L1CAM: variants seen among roughly 807,000 people sequenced by gnomAD.
L1CAM encodes the protein L1 cell adhesion molecule.
L1CAM carries 8 observed loss-of-function variants against 93.0 expected under a neutral mutation model. The ratio of observed to expected loss-of-function variants is 0.09; its 90% CI spans 0.05 to 0.16. The LOEUF is 0.16. Ranked by LOEUF, L1CAM falls within the 10% of genes least tolerant of loss-of-function variation. The probability of loss-of-function intolerance (pLI) is 1.00; values close to 1 mark genes in which losing one functional copy is unlikely to be tolerated. For synonymous variants in L1CAM, 453 were observed against 453.0 expected (o/e 1.00, Z 0.00); for missense variants, 777 against 1,073.4 (o/e 0.72, Z 3.86).
rs1557089006 is a variant in L1CAM, at chrX:153,862,122, T to C, written c.*541A>G. On this transcript the variant is annotated 3_prime_UTR_variant, in exon 29 of 29. Transcript: ENST00000370060. ...TGCGATGCTGGGAGTGGGGGGACTC[T>C]GGGCTCTCCAGATGGCCTCCCCTGC... The C allele has an allele frequency of 8.7e-6, 1 of 115,170 alleles. No individual in the cohort carries two copies. The allele number at this position is 115,170 out of a possible 1,213,427, so 9.5% of individuals were successfully genotyped here.
At position 153,862,648 on chromosome X, in the gene L1CAM, C is replaced by G; in HGVS notation, c.*15G>C. ...CCCAAGGCCAGGGGCACAGCATCTC[C>G]TGTCCTGGACTCCACTATTCTAGGG... On this transcript the variant is annotated 3_prime_UTR_variant, in exon 29 of 29. Coordinates refer to ENST00000370060, the MANE Select transcript of L1CAM (RefSeq NM_001278116.2). 1 of 1,171,859 alleles carries G rather than the reference C, an allele frequency of 8.5e-7. No homozygotes were observed. The highest frequency in any genetic ancestry group is 2.4e-4 in the Middle Eastern group (1 of 4,218).
chrX:153,863,000 C>T, intron 28 of L1CAM, 106 bp from the exon 29 acceptor site: 2 of 644,806 alleles, frequency 3.1e-6, no homozygotes, highest in Non-Finnish European at 4.8e-6. Context: ...GTTTAGAATG[C>T]GCTCAGAAAG....
At chrX:153,883,634 C>G (rs1254610192) in intron 1 of L1CAM, 2 of 289,792 alleles carry the variant, frequency 6.9e-6, no homozygotes, top group Admixed American at 7.9e-5. Context: ...GCATCCAGAC[C>G]CCCCGCCTCC....
rs782431370 is a variant in L1CAM, at chrX:153,862,636, G to T, written c.*27C>A. 7.1e-6 allele frequency: 8 copies of T among 1,132,603 alleles called. No homozygotes were observed. The highest frequency in any genetic ancestry group is 5.8e-5 in the South Asian group (3 of 52,153). The allele number at this position is 1,132,603 out of a possible 1,213,427, so 93.3% of individuals were successfully genotyped here. On this transcript the variant is annotated 3_prime_UTR_variant, in exon 29 of 29. Coordinates refer to ENST00000370060, the MANE Select transcript of L1CAM (RefSeq NM_001278116.2). ...AGGGGCCTGGATCCCAAGGCCAGGG[G>T]CACAGCATCTCCTGTCCTGGACTCC...
rs146207238 is a variant in L1CAM at position 153,881,049 on chromosome X, G to A, written c.-109+5016C>T. Among the ~76,000 whole-genome samples the A allele has an allele frequency of 5.7e-4, 64 of 112,256 alleles. No homozygotes were observed. In the South Asian group the frequency reaches 7.7e-3, roughly 14 times the overall value. On this transcript the variant is annotated intron_variant, in intron 1 of 28. Transcript: ENST00000370060. ...CGGTCTTGACTACTGGGGAAGGGAGGGAGGAGCCCCACTCCATCCCCACAA... is the reference window on the plus strand; with the variant it reads ...CGGTCTTGACTACTGGGGAAGGGAGAGAGGAGCCCCACTCCATCCCCACAA...
At chrX:153,875,704 A>T (rs181054549) in intron 2 of L1CAM, 57 bp downstream of exon 2, 1 of 1,042,247 alleles carries the variant, frequency 9.6e-7, no homozygotes, top group Non-Finnish European at 1.3e-6. Flanking sequence ...GTAGAAGATA[A>T]AGAGGGGCCC....
intron 7 of L1CAM, 66 bp downstream of exon 7, chrX:153,870,724 G>T: frequency 9.2e-7 from 1 of 1,084,959 alleles, no homozygotes; most frequent in Non-Finnish European, 1.3e-6. Flanking sequence ...ATGGACCTAT[G>T]GTGGGAAGGG....
intron 22 of L1CAM, 37 bp downstream of exon 22, chrX:153,865,051 C>T (rs782135388): frequency 6.6e-6 from 8 of 1,211,684 alleles, no homozygotes; most frequent in Non-Finnish European, 8.9e-6. Context: ...CCCCGTGGCC[C>T]CTCCACCTCC....
At position 153,868,296 on chromosome X, in the gene L1CAM, C is replaced by T; in HGVS notation, c.1703+6G>A. On this transcript the variant is annotated splice_donor_region_variant and intron_variant, in intron 14 of 28. Transcript: ENST00000370060. ...CTCTGCCCCCTTTCACCGTCACTGT[C>T]CTCACTTGTCACTGTCCCCAAGCTC... 2 of 1,211,879 alleles carry T rather than the reference C, an allele frequency of 1.7e-6. No homozygotes were observed. The highest frequency in any genetic ancestry group is 1.1e-6 in the Non-Finnish European group (1 of 895,485).
rs782246241 is a variant in L1CAM, at chrX:153,869,897, T to C, written c.1029A>G (p.Leu343=). The C allele has an allele frequency of 1.1e-5, 13 of 1,208,537 alleles. No homozygotes were observed. The highest frequency in any genetic ancestry group is 1.3e-5 in the Non-Finnish European group (12 of 894,540). ...PYWLHKPQSH[L]YGPGETARLD... ...GGCGGGCAGTCTCTCCTGGCCCATATAGATGGCTCTGGGGCTTGTGCAGCC... is the reference window on the plus strand; with the variant it reads ...GGCGGGCAGTCTCTCCTGGCCCATACAGATGGCTCTGGGGCTTGTGCAGCC... Residue 343 remains leucine (L), a synonymous_variant, in exon 10 of 29, where the codon CTA becomes CTG. Coordinates refer to ENST00000370060, the MANE Select transcript of L1CAM (RefSeq NM_001278116.2).
chrX:153,863,445 G>A, intron 27 of L1CAM, 32 bp downstream of exon 27: 1 of 1,207,924 alleles, frequency 8.3e-7, no homozygotes, highest in Non-Finnish European at 1.1e-6. Context: ...GGGTGGAGCT[G>A]AGTGCCAGCA....
Position 153,863,537 on chromosome X carries a change from T to C in L1CAM, c.3470A>G (p.Glu1157Gly). ...KGGKYSVKDK[E>G]DTQVDSEARP... is the part of the protein sequence containing the mutation. ...GGCCTCAGAGTCCACCTGGGTGTCC[T>C]CCTTATCCTTCACTGGAGACACAGA... is the stretch of plus-strand genomic sequence containing the variant. Residue 1157 changes from glutamate (E) to glycine (G), a missense_variant, in exon 27 of 29, where the codon GAG becomes GGG. Transcript: ENST00000370060. 1 of 1,208,984 alleles carries C rather than the reference T, an allele frequency of 8.3e-7. No individual in the cohort carries two copies. Among genetic ancestry groups the C allele is most frequent in the Non-Finnish European group, 1.1e-6 (1 of 893,404 alleles).
chrX:153,869,929 G>C lies in L1CAM; in HGVS notation c.997C>G (p.Pro333Ala). The C allele has an allele frequency of 8.3e-7, 1 of 1,209,653 alleles. No individual in the cohort carries two copies. Reference sequence around the variant, plus strand: ...CTCTGGGGCTTGTGCAGCCAGTACGGGGCAGCTGGGAGGAAGGGGAGAGCC... The same window carrying C: ...CTCTGGGGCTTGTGCAGCCAGTACGCGGCAGCTGGGAGGAAGGGGAGAGCC... The part of the protein sequence containing the change: ...HAYYVTVEAA[P>A]YWLHKPQSHL... The change falls in exon 10 of 29, where the codon CCG becomes GCG. Residue 333 changes from proline (P) to alanine (A), a missense_variant. By Grantham distance (27) the Pro-to-Ala change is conservative. Transcript: ENST00000370060.
chrX:153,871,240 G>A, intron 5 of L1CAM, 61 bp from the exon 6 acceptor site: 1 of 1,067,188 alleles, frequency 9.4e-7, no homozygotes, highest in Non-Finnish European at 1.3e-6. Context: ...GGCAGGAGAA[G>A]GGAGGTGGGG....
At chrX:153,885,729 C>A in intron 1 of L1CAM, 1 of 457,205 alleles carries the variant, frequency 2.2e-6, no homozygotes, top group Non-Finnish European at 3.0e-6. Flanking sequence ...CGCACACACG[C>A]ACGGGGACCC....
intron 12 of L1CAM, 47 bp from the exon 13 acceptor site, chrX:153,868,774 C>A: frequency 1.7e-6 from 2 of 1,202,832 alleles, no homozygotes; most frequent in Non-Finnish European, 2.3e-6. Context: ...GGCCTGGGCT[C>A]CCTGCCCTCC....
Position 153,864,462 on chromosome X carries a change from G to T in L1CAM, c.3182C>A (p.Ala1061Asp). Reference protein sequence around the residue: ...FKALGEEKGGASLSPQYVSYN... With the variant: ...FKALGEEKGGDSLSPQYVSYN... ...GCTGACATACTGTGGCGAAAGGGAA[G>T]CCCCACCCTTCTCTTCTGCCAGGGA... The change falls in exon 25 of 29, where the codon GCT (alanine) becomes GAT (aspartate). Residue 1061 changes from alanine to aspartate, a missense_variant. Physicochemically the swap from Ala to Asp is moderately radical, Grantham distance 126. Transcript: ENST00000370060. 1 of 1,210,551 alleles carries T rather than the reference G, an allele frequency of 8.3e-7. No individual in the cohort carries two copies. Among genetic ancestry groups the T allele is most frequent in the Non-Finnish European group, 1.1e-6 (1 of 894,313 alleles).
At position 153,872,149 on chromosome X, in the gene L1CAM, C is replaced by A. The variant is rs1212389853; in HGVS notation, c.400+3G>T. 8.3e-7 allele frequency: 1 copy of A among 1,202,514 alleles called. No individual in the cohort carries two copies. The highest frequency in any genetic ancestry group is 1.1e-6 in the Non-Finnish European group (1 of 889,800). The stretch of plus-strand genomic sequence containing the variant: ...CCTCCCTGGTCCCTGCAGCGCCTCG[C>A]ACCCTCGGCCATGAGCCGGATCTCA... On this transcript the variant is annotated splice_donor_region_variant and intron_variant, in intron 5 of 28. Coordinates refer to ENST00000370060, the MANE Select transcript of L1CAM (RefSeq NM_001278116.2).
intron 2 of L1CAM, 101 bp from the exon 3 acceptor site, chrX:153,873,343 GC>G (rs1169330396): frequency 6.9e-6 from 6 of 874,418 alleles, no homozygotes; most frequent in East Asian, 3.1e-5. Context: ...AGCTCCTGCA[GC>G]CCCCCCGTGG....
Sources: allele counts gnomAD v4.1 joint callset (sites outside exome capture counted in the v4.1 genomes callset), GRCh38; gene constraint gnomAD v4.1.1; transcripts MANE v1.5; gene names NCBI Gene and HGNC (gene_info 2026-07-23, HGNC 2026-07-21).